Variants in TRDN observed in about 807,000 individuals in gnomAD.
TRDN encodes the protein triadin.
Under a neutral mutation model 149.7 loss-of-function variants are expected in TRDN, and 161 were observed. The ratio of observed to expected loss-of-function variants is 1.08; its 90% CI spans 0.95 to 1.23. The LOEUF (loss-of-function observed/expected upper bound fraction) is 1.23, where lower values mean the gene tolerates loss of function less well. Ranked by LOEUF, TRDN falls within the 50% of genes most tolerant of loss-of-function variation. TRDN has a pLI of 0.00. For missense variants in TRDN, 896 were observed against 823.5 expected (o/e 1.09, Z -1.08); for synonymous variants, 294 against 250.5 (o/e 1.17, Z -1.64).
At position 123,559,382 on chromosome 6, in the gene TRDN, C is replaced by CT. The variant is rs373499399; in HGVS notation, c.233-10771dup. Among the ~76,000 whole-genome samples, 70 of 152,234 alleles carry CT rather than the reference C, an allele frequency of 4.6e-4. 1 individual carries two copies. The East Asian group carries it at 7.4e-3, about 16-fold the overall frequency. On this transcript the variant is annotated intron_variant, in intron 2 of 40. Coordinates refer to ENST00000334268, the MANE Select transcript of TRDN (RefSeq NM_006073.4). ...TAATTATCCCCACCTGCCCAGTTCCCTATTAGGCCGAGACACTTTAACTAA... is the reference window on the plus strand; with the variant it reads ...TAATTATCCCCACCTGCCCAGTTCCCTTATTAGGCCGAGACACTTTAACTAA...
intron 2 of TRDN, among the ~76,000 whole-genome samples, chr6:123,557,690 G>A (rs1402179422): frequency 1.3e-5 from 2 of 152,014 alleles, no homozygotes; most frequent in African/African-American, 2.4e-5. Flanking sequence ...ACGTGGGAAC[G>A]CCTGTCTTGG....
At chr6:123,234,123 C>T (rs1775705234) in intron 38 of TRDN, among the ~76,000 whole-genome samples, 1 of 152,040 alleles carries the variant, frequency 6.6e-6, no homozygotes, top group South Asian at 2.1e-4. Context: ...ACCAGTACTT[C>T]TGACGCTAGT....
At chr6:123,252,210 AC>A (rs1204151861) in intron 38 of TRDN, among the ~76,000 whole-genome samples, 1 of 152,066 alleles carries the variant, frequency 6.6e-6, no homozygotes, top group Non-Finnish European at 1.5e-5. Flanking sequence ...TATTTCTGTT[AC>A]AAGTTGTAAT....
chr6:123,616,508 T>C (rs941886013), intron 1 of TRDN, among the ~76,000 whole-genome samples: 22 of 152,320 alleles, frequency 1.4e-4, no homozygotes, highest in African/African-American at 5.3e-4. Context: ...ACATCACAAA[T>C]CAAATATATG....
intron 12 of TRDN, chr6:123,411,584 G>C (rs1773443665): frequency 6.6e-6 from 1 of 152,536 alleles, no homozygotes. Flanking sequence ...CGTGCAGTGG[G>C]AGGGAACCTG....
intron 23 of TRDN, among the ~76,000 whole-genome samples, chr6:123,320,409 G>A (rs1779198886): frequency 6.6e-6 from 1 of 151,852 alleles, no homozygotes; most frequent in Admixed American, 6.6e-5. Flanking sequence ...ATACATGATA[G>A]TGCTTAGACT....
chr6:123,350,789 A>G, intron 21 of TRDN: 2 of 978,810 alleles, frequency 2.0e-6, no homozygotes, highest in African/African-American at 1.8e-5. Flanking sequence ...CAATATAAAA[A>G]TAGCCATTGA....
chr6:123,619,691 T>C (rs1257562580), intron 1 of TRDN, among the ~76,000 whole-genome samples: 2 of 152,118 alleles, frequency 1.3e-5, no homozygotes, highest in African/African-American at 4.8e-5. Context: ...CTGCAGCCAC[T>C]TTTGAAAAAT....
chr6:123,375,648 A>G lies in TRDN; in HGVS notation c.1247-17T>C, dbSNP rs1781475055. 6.6e-7 allele frequency: 1 copy of G among 1,520,306 alleles called. No homozygotes were observed. Among genetic ancestry groups the G allele is most frequent in the African/African-American group, 1.4e-5 (1 of 71,008 alleles). The allele number at this position is 1,520,306 out of a possible 1,614,324, so 94.2% of individuals were successfully genotyped here. A position where few individuals can be genotyped will look rare whatever the true frequency, so the allele number is the denominator to read the frequency against. ...CACTTGGAACTGTTAATGACAAGAA[A>G]TAATAAGGTCAACAGTAATTACAAA... On this transcript the variant is annotated splice_polypyrimidine_tract_variant and intron_variant, in intron 18 of 40. Transcript: ENST00000334268.
chr6:123,418,143 G>C (rs1424891264), intron 12 of TRDN, among the ~76,000 whole-genome samples: 1 of 152,140 alleles, frequency 6.6e-6, no homozygotes, highest in Non-Finnish European at 1.5e-5. Flanking sequence ...GTCATAATAG[G>C]TAGGGTAAGT....
chr6:123,582,948 G>A (rs1204697384), intron 1 of TRDN, among the ~76,000 whole-genome samples: 1 of 151,948 alleles, frequency 6.6e-6, no homozygotes, highest in African/African-American at 2.4e-5. Context: ...GTTGTTAGAA[G>A]GAATAGTTGT....
chr6:123,347,039 T>C (rs1309339461), intron 21 of TRDN, among the ~76,000 whole-genome samples: 1 of 152,030 alleles, frequency 6.6e-6, no homozygotes, highest in Non-Finnish European at 1.5e-5. Flanking sequence ...ATGTGGATTC[T>C]TGAATGGAGA....
chr6:123,324,208 A>G (rs1248811192), intron 23 of TRDN, among the ~76,000 whole-genome samples: 2 of 152,204 alleles, frequency 1.3e-5, no homozygotes, highest in Admixed American at 6.5e-5. Context: ...AAGTAAGAAT[A>G]ATCAATTAAG....
At chr6:123,300,292 T>C (rs1778355616) in intron 24 of TRDN, among the ~76,000 whole-genome samples, 1 of 152,020 alleles carries the variant, frequency 6.6e-6, no homozygotes, top group African/African-American at 2.4e-5. Context: ...AAAATCAGTC[T>C]GAAGAAAGCT....
At chr6:123,604,857 C>T (rs1043679218) in intron 1 of TRDN, among the ~76,000 whole-genome samples, 12 of 151,850 alleles carry the variant, frequency 7.9e-5, no homozygotes, top group Admixed American at 2.0e-4. Flanking sequence ...TTCACCACTA[C>T]GGGAAATCAA....
chr6:123,441,713 A>T (rs1012373352), intron 10 of TRDN, among the ~76,000 whole-genome samples: 13 of 152,216 alleles, frequency 8.5e-5, no homozygotes, highest in African/African-American at 3.1e-4. Flanking sequence ...TGCCATCTCA[A>T]AGCCAGACAA....
At chr6:123,361,955 T>C (rs997365205) in intron 20 of TRDN, among the ~76,000 whole-genome samples, 1 of 152,194 alleles carries the variant, frequency 6.6e-6, no homozygotes, top group African/African-American at 2.4e-5. Context: ...GTTTTATTTC[T>C]AGAACCACCT....
intron 24 of TRDN, among the ~76,000 whole-genome samples, chr6:123,295,966 AACAG>A (rs1212794268): frequency 6.6e-6 from 1 of 152,018 alleles, no homozygotes; most frequent in Non-Finnish European, 1.5e-5. Flanking sequence ...CTGTGTCTCA[AACAG>A]AAAAAAAAAA....
At chr6:123,345,309 A>G (rs552289980) in intron 21 of TRDN, among the ~76,000 whole-genome samples, 2 of 151,884 alleles carry the variant, frequency 1.3e-5, no homozygotes, top group African/African-American at 2.4e-5. Context: ...AATTTGTTCA[A>G]AAGTCTATCC....
Sources: allele counts gnomAD v4.1 joint callset (sites outside exome capture counted in the v4.1 genomes callset), GRCh38; gene constraint gnomAD v4.1.1; transcripts MANE v1.5; gene names NCBI Gene and HGNC (gene_info 2026-07-23, HGNC 2026-07-21).